KDM4C: variants seen among roughly 807,000 people sequenced by gnomAD.
The protein encoded by KDM4C is lysine-specific demethylase 4C.
In KDM4C, 81 loss-of-function variants were observed where a neutral mutation model predicts 129.3. The observed-to-expected ratio is 0.63, with a 90% confidence interval of 0.52 to 0.75. KDM4C has a LOEUF of 0.75. KDM4C is among the 30% of genes least tolerant of loss of function. The pLI is 0.00. For synonymous variants in KDM4C, 573 were observed against 456.1 expected (o/e 1.26, Z -3.26); for missense variants, 1,457 against 1,304.0 (o/e 1.12, Z -1.81).
intron 6 of KDM4C, among the ~76,000 whole-genome samples, chr9:6,882,308 T>C (rs1235145942): frequency 1.3e-5 from 2 of 152,346 alleles, no homozygotes; most frequent in African/African-American, 4.8e-5. Flanking sequence ...AAGAGAGTTA[T>C]AATGTTAAAT....
chr9:7,150,469 G>T (rs1842630273), intron 19 of KDM4C, among the ~76,000 whole-genome samples: 1 of 152,224 alleles, frequency 6.6e-6, no homozygotes, highest in African/African-American at 2.4e-5. Context: ...AGATATTCAT[G>T]TGTGTATTTG....
chr9:6,872,053 A>G (rs530389430), intron 5 of KDM4C, among the ~76,000 whole-genome samples: 2 of 152,164 alleles, frequency 1.3e-5, no homozygotes, highest in Non-Finnish European at 2.9e-5. Context: ...GGAGAGGGGT[A>G]TTTTGAGGGG....
chr9:6,959,481 G>A (rs1328734604), intron 8 of KDM4C, among the ~76,000 whole-genome samples: 3 of 152,088 alleles, frequency 2.0e-5, no homozygotes, highest in East Asian at 3.9e-4. Context: ...CTTGCTTGTC[G>A]TTATCTTAGC....
At chr9:7,046,680 C>T (rs1424815488) in intron 15 of KDM4C, among the ~76,000 whole-genome samples, 182 bp from the exon 16 acceptor site, 2 of 151,928 alleles carry the variant, frequency 1.3e-5, no homozygotes, top group Non-Finnish European at 2.9e-5. Flanking sequence ...GAGGGGTGTA[C>T]CTCTACCATT....
chr9:6,827,949 G>T (rs1834158511), intron 4 of KDM4C, among the ~76,000 whole-genome samples: 2 of 152,184 alleles, frequency 1.3e-5, no homozygotes, highest in African/African-American at 4.8e-5. Flanking sequence ...CAGCTTTATT[G>T]GTCACATTGC....
At chr9:7,110,391 A>G (rs1229962278) in intron 18 of KDM4C, among the ~76,000 whole-genome samples, 1 of 152,214 alleles carries the variant, frequency 6.6e-6, no homozygotes, top group Non-Finnish European at 1.5e-5. Context: ...ATGTTGATAT[A>G]TCCAATTCTC....
At chr9:6,845,403 C>CG (rs1176543213) in intron 4 of KDM4C, among the ~76,000 whole-genome samples, 4 of 152,104 alleles carry the variant, frequency 2.6e-5, no homozygotes, top group East Asian at 3.9e-4. Flanking sequence ...TTTGTAGAGA[C>CG]GGGGTCTCAC....
chr9:6,773,583 C>A (rs145747022), intron 1 of KDM4C, among the ~76,000 whole-genome samples: 3 of 152,144 alleles, frequency 2.0e-5, no homozygotes, highest in African/African-American at 7.2e-5. Flanking sequence ...CCAGCCTGAT[C>A]AACATGGTGA....
intron 8 of KDM4C, among the ~76,000 whole-genome samples, chr9:6,918,620 A>G (rs1820766238): frequency 6.6e-6 from 1 of 152,154 alleles, no homozygotes; most frequent in Non-Finnish European, 1.5e-5. Context: ...TGGTTGAATT[A>G]ATTTACATCC....
intron 4 of KDM4C, chr9:6,835,191 C>G: frequency 1.1e-6 from 1 of 930,410 alleles, no homozygotes; most frequent in Non-Finnish European, 1.8e-6. Flanking sequence ...ACGGCCAGGT[C>G]ATCACCATCG....
chr9:6,775,203 G>T (rs1399425757), intron 1 of KDM4C, among the ~76,000 whole-genome samples: 1 of 152,032 alleles, frequency 6.6e-6, no homozygotes, highest in Non-Finnish European at 1.5e-5. Context: ...TTTTAGTAGA[G>T]ATGGGGTTTC....
At chr9:6,830,555 C>T (rs998327293) in intron 4 of KDM4C, among the ~76,000 whole-genome samples, 2 of 152,166 alleles carry the variant, frequency 1.3e-5, no homozygotes, top group South Asian at 2.1e-4. Context: ...AAATGGTTTT[C>T]TCTTCTTTGC....
In KDM4C at chr9:6,984,292, A is replaced by G. The variant is rs774043706; in HGVS notation, c.1242A>G (p.Glu414=). 4 of 1,614,072 alleles carry G rather than the reference A, an allele frequency of 2.5e-6. No individual in the cohort carries two copies. Among genetic ancestry groups the G allele is most frequent in the East Asian group, 4.5e-5 (2 of 44,874 alleles). ...DSVTDDLKVS[E]KSEAAVKLRN... Reference sequence around the variant, plus strand: ...TCACAGATGACCTCAAGGTCAGTGAAAAGTCAGAAGCAGCAGTGAAGCTGA... The same window carrying G: ...TCACAGATGACCTCAAGGTCAGTGAGAAGTCAGAAGCAGCAGTGAAGCTGA... Residue 414 remains glutamate (E), a synonymous_variant, in exon 10 of 22, where the codon GAA becomes GAG. Coordinates refer to ENST00000381309, the MANE Select transcript of KDM4C (RefSeq NM_015061.6).
At chr9:6,778,874 A>G (rs1823678523) in intron 1 of KDM4C, among the ~76,000 whole-genome samples, 1 of 148,302 alleles carries the variant, frequency 6.7e-6, no homozygotes, top group South Asian at 2.2e-4. Context: ...CTGGAGTGCA[A>G]GTGGCCTGGC....
chr9:7,144,574 C>T (rs893055249), intron 19 of KDM4C, among the ~76,000 whole-genome samples: 1 of 152,234 alleles, frequency 6.6e-6, no homozygotes, highest in Non-Finnish European at 1.5e-5. Context: ...GGGAGAACAG[C>T]CATAGGTGAT....
At chr9:6,998,711 G>T (rs1226597580) in intron 12 of KDM4C, among the ~76,000 whole-genome samples, 1 of 152,142 alleles carries the variant, frequency 6.6e-6, no homozygotes, top group Non-Finnish European at 1.5e-5. Context: ...CAAGAGAATC[G>T]CTGGAACCTG....
At chr9:6,851,723 A>G (rs1240727548) in intron 5 of KDM4C, among the ~76,000 whole-genome samples, 3 of 152,178 alleles carry the variant, frequency 2.0e-5, no homozygotes, top group Non-Finnish European at 2.9e-5. Flanking sequence ...ATTAAGAAAG[A>G]TGGCTGTCTT....
intron 4 of KDM4C, among the ~76,000 whole-genome samples, chr9:6,828,103 G>A (rs1354215311): frequency 6.6e-6 from 1 of 152,156 alleles, no homozygotes; most frequent in African/African-American, 2.4e-5. Flanking sequence ...CAAGTAGGAA[G>A]GTTAGGTGGG....
chr9:6,835,883 A>G (rs866923276), intron 4 of KDM4C, among the ~76,000 whole-genome samples: 24 of 152,138 alleles, frequency 1.6e-4, no homozygotes, highest in African/African-American at 5.3e-4. Flanking sequence ...TTGCCCTCCT[A>G]AAAGCCACCC....
Sources: gnomAD v4.1 joint callset for allele counts (sites outside exome capture counted in the v4.1 genomes callset) on GRCh38, gnomAD v4.1.1 for gene constraint, MANE v1.5 for transcripts, NCBI Gene and HGNC (gene_info 2026-07-23, HGNC 2026-07-21) for gene names.